Variants in C16orf96 observed in about 807,000 individuals in gnomAD.
The protein encoded by C16orf96 is uncharacterized protein C16orf96.
In C16orf96, 108 loss-of-function variants were observed where a neutral mutation model predicts 103.6. That is an observed-to-expected ratio of 1.04 (90% CI 0.89 to 1.22). The LOEUF is 1.22. Among genes scored for constraint, C16orf96 ranks in the 50% most tolerant of loss-of-function variants. The probability of loss-of-function intolerance (pLI) is 0.00; values close to 1 mark genes in which losing one functional copy is unlikely to be tolerated. For synonymous variants in C16orf96, 566 were observed against 593.5 expected, an observed-to-expected ratio of 0.95 and a Z score of 0.67; for missense variants, 1,586 against 1,464.2, an observed-to-expected ratio of 1.08 and a Z score of -1.36.
chr16:4,580,008 C>T lies in C16orf96; in HGVS notation c.2242-7C>T. ...AGGCCTGGGGTGTCTGTGTCTCCCC[C>T]TTTTAGGAGGAAGAACTTGAGAGAA... On this transcript the variant is annotated splice_region_variant and splice_polypyrimidine_tract_variant and intron_variant, in intron 6 of 15. Transcript: ENST00000444310. 1 of 1,550,502 alleles carries T rather than the reference C, an allele frequency of 6.4e-7. No individual in the cohort carries two copies. The highest frequency in any genetic ancestry group is 1.2e-5 in the South Asian group (1 of 84,030).
intron 5 of C16orf96, among the ~76,000 whole-genome samples, 159 bp from the exon 6 acceptor site, chr16:4,578,781 A>G (rs1029424486): frequency 6.6e-6 from 1 of 152,186 alleles, no homozygotes; most frequent in African/African-American, 2.4e-5. Flanking sequence ...TTAAAAAATA[A>G]TGAAGAAATA....
chr16:4,545,878 C>A, the C16orf96 span, among the ~76,000 whole-genome samples: 1 of 151,998 alleles, frequency 6.6e-6, no homozygotes, highest in Non-Finnish European at 1.5e-5. Flanking sequence ...GAGACAGAAT[C>A]TCGCTCTGTT....
upstream of C16orf96, among the ~76,000 whole-genome samples, chr16:4,552,859 A>T (rs796746167): frequency 1.9e-4 from 29 of 152,316 alleles, no homozygotes; most frequent in Admixed American, 1.8e-3. Context: ...ATGCTAAATT[A>T]TTCTAAAAGA....
intron 1 of C16orf96, among the ~76,000 whole-genome samples, chr16:4,567,279 TC>T (rs1456855683): frequency 1.6e-5 from 2 of 122,438 alleles, no homozygotes; most frequent in African/African-American, 5.8e-5. Context: ...ATATTTCTTT[TC>T]TTTTTTTTTT....
At chr16:4,587,160 G>C (rs1896946238) in intron 8 of C16orf96, 47 bp downstream of exon 8, 1 of 1,494,098 alleles carries the variant, frequency 6.7e-7, no homozygotes, top group East Asian at 2.5e-5. Context: ...CCTACCCAGG[G>C]AAACGGCACC....
chr16:4,599,847 A>G (rs931945885), intron 15 of C16orf96, among the ~76,000 whole-genome samples: 7 of 152,302 alleles, frequency 4.6e-5, no homozygotes, highest in African/African-American at 1.7e-4. Context: ...CGTGGACTCC[A>G]AGCTTCATGT....
Position 4,584,818 on chromosome 16 carries a change from GC to G in C16orf96, c.2353-2219del, listed in dbSNP as rs563818019. Among the ~76,000 whole-genome samples the G allele has an allele frequency of 1.7e-3, 256 of 152,190 alleles. 1 individual carries two copies. The highest frequency in any genetic ancestry group is 5.9e-3 in the African/African-American group (245 of 41,522). ...CAAAGTGCTGGGATTACAGGCGTGA[GC>G]CACCGTGCCCAGCCAATTTTTTTGT... is the stretch of plus-strand genomic sequence containing the variant. On this transcript the variant is annotated intron_variant, in intron 7 of 15. Coordinates refer to ENST00000444310, the MANE Select transcript of C16orf96 (RefSeq NM_001145011.2).
the C16orf96 span, among the ~76,000 whole-genome samples, chr16:4,546,424 C>CTGCG: frequency 6.7e-6 from 1 of 148,348 alleles, no homozygotes; most frequent in East Asian, 2.0e-4. Flanking sequence ...TCCCAGAGTG[C>CTGCG]TGCGATTACA....
intron 7 of C16orf96, among the ~76,000 whole-genome samples, chr16:4,585,609 T>G (rs933745027): frequency 6.6e-6 from 1 of 152,340 alleles, no homozygotes; most frequent in East Asian, 1.9e-4. Flanking sequence ...TAGGTTTGAA[T>G]CCTGATTCTG....
At chr16:4,562,361 GTAC>G (rs1391727557) in intron 1 of C16orf96, among the ~76,000 whole-genome samples, 1 of 151,444 alleles carries the variant, frequency 6.6e-6, no homozygotes, top group African/African-American at 2.4e-5. Flanking sequence ...GTAGTCCCAG[GTAC>G]TCAGGAGGCT....
chr16:4,545,855 C>G, the C16orf96 span, among the ~76,000 whole-genome samples: 1 of 151,806 alleles, frequency 6.6e-6, no homozygotes, highest in Non-Finnish European at 1.5e-5. Flanking sequence ...TTCTCTTTTT[C>G]TTTCATTTTT....
chr16:4,588,020 C>T, intron 8 of C16orf96, 147 bp from the exon 9 acceptor site: 2 of 642,582 alleles, frequency 3.1e-6, no homozygotes, highest in East Asian at 2.9e-5. Context: ...TGTTTGAATC[C>T]ACGTAGACCC....
the C16orf96 span, among the ~76,000 whole-genome samples, chr16:4,540,527 G>A: frequency 6.6e-6 from 1 of 152,032 alleles, no homozygotes; most frequent in African/African-American, 2.4e-5. Flanking sequence ...GAGGTCAGGA[G>A]TTTGAGACCA....
At chr16:4,585,272 A>G (rs939642563) in intron 7 of C16orf96, among the ~76,000 whole-genome samples, 2 of 133,046 alleles carry the variant, frequency 1.5e-5, no homozygotes, top group Non-Finnish European at 3.1e-5. Context: ...GAGGCAACAT[A>G]GTGAGACCCC....
At chr16:4,595,177 AC>A (rs1177850987) in intron 14 of C16orf96, among the ~76,000 whole-genome samples, 2 of 152,128 alleles carry the variant, frequency 1.3e-5, no homozygotes, top group Non-Finnish European at 2.9e-5. Flanking sequence ...AGGGACTAGG[AC>A]TTAGCTGGAT....
rs1567456384 is a variant in C16orf96 at position 4,591,744 on chromosome 16, G to A, written c.2671G>A (p.Gly891Ser). ...WKIVRKLLIEGLRLDPDSAAG... is the reference protein window; with the variant it reads ...WKIVRKLLIESLRLDPDSAAG... ...AATCGTCCGGAAGCTGCTGATTGAGGGCTTAAGACTGGATCCTGACAGTGC... is the reference window on the plus strand; with the variant it reads ...AATCGTCCGGAAGCTGCTGATTGAGAGCTTAAGACTGGATCCTGACAGTGC... Residue 891 changes from glycine to serine, a missense_variant, in exon 10 of 16, where the codon GGC becomes AGC. By Grantham distance (56) the Gly-to-Ser change is moderately conservative. Transcript: ENST00000444310. 1 of 1,551,680 alleles carries A rather than the reference G, an allele frequency of 6.4e-7. No homozygotes were observed.
chr16:4,541,385 C>T, the C16orf96 span, among the ~76,000 whole-genome samples: 1 of 152,170 alleles, frequency 6.6e-6, no homozygotes, highest in Non-Finnish European at 1.5e-5. Context: ...ATGGACATAA[C>T]GATCCTGCAC....
the C16orf96 span, among the ~76,000 whole-genome samples, chr16:4,539,916 C>G: frequency 6.6e-6 from 1 of 152,098 alleles, no homozygotes; most frequent in Admixed American, 6.6e-5. Context: ...GATTTCATCT[C>G]CCACCCCACC....
intron 1 of C16orf96, among the ~76,000 whole-genome samples, chr16:4,569,699 C>A (rs892972698): frequency 2.5e-3 from 329 of 129,180 alleles, no homozygotes; most frequent in Admixed American, 2.9e-3. Flanking sequence ...GACTCTGTCT[C>A]AAAAAAAAAA....
Sources: gnomAD v4.1 joint callset for allele counts (sites outside exome capture counted in the v4.1 genomes callset) on GRCh38, gnomAD v4.1.1 for gene constraint, MANE v1.5 for transcripts, NCBI Gene and HGNC (gene_info 2026-07-23, HGNC 2026-07-21) for gene names.